Variants in PLEKHA4 observed in about 807,000 individuals in gnomAD.
PLEKHA4 encodes pleckstrin homology domain containing A4.
A neutral mutation model predicts 94.7 loss-of-function variants in PLEKHA4; 73 were observed. The observed-to-expected ratio is 0.77, with a 90% confidence interval of 0.64 to 0.94. The LOEUF is 0.94. PLEKHA4 is among the 40% of genes least tolerant of loss of function. The pLI is 0.00. For missense variants in PLEKHA4, 1,049 were observed against 1,054.1 expected (o/e 1.00, Z 0.07); for synonymous variants, 449 against 437.1 (o/e 1.03, Z -0.34).
chr19:48,841,292 G>A lies in PLEKHA4; in HGVS notation c.1762C>T (p.Arg588Trp), dbSNP rs377304447. 1.2e-4 allele frequency: 194 copies of A among 1,611,416 alleles called. No homozygotes were observed. The highest frequency in any genetic ancestry group is 1.7e-4 in the Admixed American group (10 of 59,808). Residue 588 changes from arginine to tryptophan, a missense_variant, in exon 17 of 20, where the codon CGG becomes TGG. Coordinates refer to ENST00000263265, the MANE Select transcript of PLEKHA4 (RefSeq NM_020904.3). ...TCCAGCTGCTCCTGGGCACTCATCC[G>A]GGGCCGGGCCACCGGGGCCTAGGGA... is the stretch of plus-strand genomic sequence containing the variant. ...LGTKAPVARP[R>W]MSAQEQLERM...
At chr19:48,839,344 A>G (rs2122870180) in intron 17 of PLEKHA4, 81 bp from the exon 18 acceptor site, 2 of 952,714 alleles carry the variant, frequency 2.1e-6, no homozygotes, top group Non-Finnish European at 3.1e-6. Context: ...AGGGGGCTCC[A>G]AAAGAGAATG....
intron 16 of PLEKHA4, among the ~76,000 whole-genome samples, chr19:48,843,110 G>A (rs952949379): frequency 6.6e-5 from 10 of 151,960 alleles, no homozygotes; most frequent in African/African-American, 9.7e-5. Flanking sequence ...GGAAAGGCTC[G>A]ATTGCTTTTG....
At chr19:48,859,868 C>T (rs1300582141) in intron 6 of PLEKHA4, among the ~76,000 whole-genome samples, 184 bp from the exon 7 acceptor site, 1 of 152,170 alleles carries the variant, frequency 6.6e-6, no homozygotes, top group African/African-American at 2.4e-5. Flanking sequence ...TGCGCCAGGC[C>T]ACAACGTCTA....
intron 13 of PLEKHA4, 67 bp from the exon 14 acceptor site, chr19:48,848,107 C>G: frequency 6.7e-7 from 1 of 1,502,236 alleles, no homozygotes; most frequent in South Asian, 1.2e-5. Flanking sequence ...GCTAATAGGC[C>G]CCTGCAAAGG....
Position 48,837,238 on chromosome 19 carries a change from T to C in PLEKHA4, c.*51A>G, listed in dbSNP as rs1288327007. On this transcript the variant is annotated 3_prime_UTR_variant, in exon 20 of 20. Transcript: ENST00000263265. This position sits in a 1 kb window ranked among gnomAD's most constrained non-coding sequence, Gnocchi z 4.3. ...CTGAGTGGTCCCAGATCTCCGGCGG[T>C]ACCTCCAGACCACGTCCTCGCGCTC... is the stretch of plus-strand genomic sequence containing the variant. The C allele has an allele frequency of 6.2e-7, 1 of 1,613,308 alleles. No individual in the cohort carries two copies. The highest frequency in any genetic ancestry group is 1.1e-5 in the South Asian group (1 of 91,052).
At position 48,847,925 on chromosome 19, in the gene PLEKHA4, T is replaced by A; in HGVS notation, c.1541A>T (p.Gln514Leu). 1 of 1,592,484 alleles carries A rather than the reference T, an allele frequency of 6.3e-7. No individual in the cohort carries two copies. Among genetic ancestry groups the A allele is most frequent in the Non-Finnish European group, 8.5e-7 (1 of 1,169,674 alleles). ...TEPDSPSPVL[Q>L]GEESSERESL... ...CTCCCTCTCTGAGGACTCCTCGCCCTGGAGCACGGGAGATGGGGAGTCAGG... is the reference window on the plus strand; with the variant it reads ...CTCCCTCTCTGAGGACTCCTCGCCCAGGAGCACGGGAGATGGGGAGTCAGG... The change falls in exon 14 of 20, where the codon CAG (glutamine) becomes CTG (leucine). Residue 514 changes from glutamine (Q) to leucine (L), a missense_variant. Transcript: ENST00000263265.
Position 48,867,077 on chromosome 19 carries a change from G to A in PLEKHA4, c.84+460C>T, listed in dbSNP as rs1223064464. On this transcript the variant is annotated intron_variant, in intron 2 of 19. Coordinates refer to ENST00000263265, the MANE Select transcript of PLEKHA4 (RefSeq NM_020904.3). The surrounding 1 kb of genome is among the most constrained non-coding windows in gnomAD (Gnocchi z 4.7). The stretch of plus-strand genomic sequence containing the variant: ...ACGGCAGGAGGAAAAAGAAATGAGT[G>A]TCTCCCTAAGCTTTTGGCTGGGATG... Among the ~76,000 whole-genome samples, 2 of 152,168 alleles carry A rather than the reference G, an allele frequency of 1.3e-5. No homozygotes were observed. The highest frequency in any genetic ancestry group is 4.8e-5 in the African/African-American group (2 of 41,436).
In PLEKHA4 at chr19:48,838,147, A is replaced by C; in HGVS notation, c.1965-18T>G. The C allele has an allele frequency of 9.3e-5, 74 of 796,406 alleles. No homozygotes were observed. Among genetic ancestry groups the C allele is most frequent in the Non-Finnish European group, 1.3e-4 (63 of 493,444 alleles). 49.3% of individuals were successfully genotyped at this position (796,406 alleles called of 1,614,324 possible). ...TCCTTGGACTAGAAAAAAAAAGAAGATTGGGGGTGGGGGTGTGTACATGGG... is the reference window on the plus strand; with the variant it reads ...TCCTTGGACTAGAAAAAAAAAGAAGCTTGGGGGTGGGGGTGTGTACATGGG... On this transcript the variant is annotated intron_variant, in intron 18 of 19. Coordinates refer to ENST00000263265, the MANE Select transcript of PLEKHA4 (RefSeq NM_020904.3).
intron 4 of PLEKHA4, 52 bp from the exon 5 acceptor site, chr19:48,861,553 T>A: frequency 6.2e-7 from 1 of 1,612,634 alleles, no homozygotes; most frequent in Non-Finnish European, 8.5e-7. Context: ...AAGGCCAAGA[T>A]GCTAGAGAGA....
chr19:48,858,487 C>T (rs538913672), intron 8 of PLEKHA4, among the ~76,000 whole-genome samples: 9 of 151,988 alleles, frequency 5.9e-5, no homozygotes, highest in Admixed American at 3.9e-4. Context: ...ATCAGCCGGA[C>T]GTGGTGGCAG....
intron 8 of PLEKHA4, 143 bp downstream of exon 8, chr19:48,858,717 C>T: frequency 1.1e-6 from 1 of 905,682 alleles, no homozygotes; most frequent in Non-Finnish European, 1.7e-6. Context: ...TAGGTTCAAG[C>T]TCTCTCTCAC....
chr19:48,852,052 C>T (rs541354482), intron 13 of PLEKHA4, among the ~76,000 whole-genome samples, 176 bp downstream of exon 13: 1 of 151,878 alleles, frequency 6.6e-6, no homozygotes, highest in East Asian at 1.9e-4. Flanking sequence ...TAAAAAAAAA[C>T]CCCAAAGGGC....
chr19:48,850,104 G>A (rs2036124639), intron 13 of PLEKHA4, among the ~76,000 whole-genome samples: 1 of 151,874 alleles, frequency 6.6e-6, no homozygotes, highest in Non-Finnish European at 1.5e-5. Context: ...CCAGCTAGAG[G>A]CTGAGGCAGG....
At chr19:48,842,459 A>G (rs566951382) in intron 16 of PLEKHA4, among the ~76,000 whole-genome samples, 54 of 152,190 alleles carry the variant, frequency 3.5e-4, no homozygotes, top group Non-Finnish European at 6.0e-4. Context: ...AATGTTGTTA[A>G]TTTCTTCACA....
In PLEKHA4 at chr19:48,867,650, T is replaced by C; in HGVS notation, c.-6-24A>G. On this transcript the variant is annotated intron_variant, in intron 1 of 19. Coordinates refer to ENST00000263265, the MANE Select transcript of PLEKHA4 (RefSeq NM_020904.3). This position sits in a 1 kb window ranked among gnomAD's most constrained non-coding sequence, Gnocchi z 4.7. ...GGCTGGGGGAGAGAAAGAAAGGGGC[T>C]GTGTCTCTGCAGTGACGGGTGTGAG... is the stretch of plus-strand genomic sequence containing the variant. The C allele has an allele frequency of 6.4e-7, 1 of 1,568,316 alleles. No individual in the cohort carries two copies. Among genetic ancestry groups the C allele is most frequent in the African/African-American group, 1.3e-5 (1 of 74,370 alleles).
Position 48,867,762 on chromosome 19 carries a change from C to T in PLEKHA4, c.-6-136G>A. ...CGGGACTTGGGGGGCTGGGGGAGGC[C>T]ATGGCCCGTGACCACATACCAAGAG... On this transcript the variant is annotated intron_variant, in intron 1 of 19. Transcript: ENST00000263265. The surrounding 1 kb of genome is among the most constrained non-coding windows in gnomAD (Gnocchi z 4.7). The T allele has an allele frequency of 1.2e-6, 1 of 820,638 alleles. No individual in the cohort carries two copies. The highest frequency in any genetic ancestry group is 2.7e-5 in the East Asian group (1 of 37,278). The allele number at this position is 820,638 out of a possible 1,614,324, so 50.8% of individuals were successfully genotyped here. A position where few individuals can be genotyped will look rare whatever the true frequency, so the allele number is the denominator to read the frequency against.
intron 9 of PLEKHA4, 22 bp from the exon 10 acceptor site, chr19:48,854,286 AG>A: frequency 6.2e-7 from 1 of 1,607,898 alleles, no homozygotes; most frequent in South Asian, 1.1e-5. Flanking sequence ...GAAAAAAGTC[AG>A]GGGTCAAAGG....
chr19:48,844,804 CTTTTTTTTTTTTTT>C (rs149141709), intron 16 of PLEKHA4, among the ~76,000 whole-genome samples: 3 of 70,808 alleles, frequency 4.2e-5, no homozygotes, highest in African/African-American at 7.1e-5. Flanking sequence ...CTCAGGGTGT[CTTTTTTTTTTTTTT>C]TTTTTTTTTT....
At position 48,841,158 on chromosome 19, in the gene PLEKHA4, C is replaced by T; in HGVS notation, c.1896G>A (p.Val632=). 1 of 1,609,528 alleles carries T rather than the reference C, an allele frequency of 6.2e-7. No individual in the cohort carries two copies. Among genetic ancestry groups the T allele is most frequent in the South Asian group, 1.1e-5 (1 of 89,942 alleles). Residue 632 remains valine, a synonymous_variant, in exon 17 of 20, where the codon GTG becomes GTA. Coordinates refer to ENST00000263265, the MANE Select transcript of PLEKHA4 (RefSeq NM_020904.3). ...GCCCTCCTCCCCTCACCCTTTGCTC[C>T]ACGTCAGGCTGGCGTCTGGCTGGGG... is the stretch of plus-strand genomic sequence containing the variant. The part of the protein sequence containing the change: ...TLSPARRQPD[V]EQRPVVGHSG...
Sources: gnomAD v4.1 joint callset for allele counts (sites outside exome capture counted in the v4.1 genomes callset) on GRCh38, gnomAD v4.1.1 for gene constraint, Gnocchi (gnomAD v3.1) non-coding constraint, MANE v1.5 for transcripts, NCBI Gene and HGNC (gene_info 2026-07-23, HGNC 2026-07-21) for gene names.